Variants in NCOA7 observed in about 807,000 individuals in gnomAD.
The protein encoded by NCOA7 is nuclear receptor coactivator 7.
A neutral mutation model predicts 104.3 loss-of-function variants in NCOA7; 45 were observed. The observed-to-expected ratio is 0.43, with a 90% CI of 0.34 to 0.55. The LOEUF is 0.55. NCOA7 is among the 20% of genes least tolerant of loss of function. The probability of loss-of-function intolerance (pLI) is 0.02; values close to 1 mark genes in which losing one functional copy is unlikely to be tolerated. For missense variants in NCOA7, 1,041 were observed against 1,119.7 expected (o/e 0.93, Z 1.00); for synonymous variants, 398 against 402.3 (o/e 0.99, Z 0.13).
chr6:125,798,289 T>C (rs1029956292), intron 1 of NCOA7: 3 of 152,254 alleles, frequency 2.0e-5, no homozygotes, highest in Admixed American at 6.5e-5. Context: ...CTTGGAATCC[T>C]GTTCCACCAG....
rs1286745030 is a variant in NCOA7 at position 125,890,624 on chromosome 6, T to C, written c.1928-18T>C. 5.0e-6 allele frequency: 8 copies of C among 1,595,936 alleles called. No homozygotes were observed. The highest frequency in any genetic ancestry group is 1.8e-5 in the Admixed American group (1 of 55,690). On this transcript the variant is annotated intron_variant, in intron 9 of 15. Coordinates refer to ENST00000392477, the MANE Select transcript of NCOA7 (RefSeq NM_181782.5). ...ATATTGTCAATATTGAGGAACAGTT[T>C]TTTCGTGTGTGATTCAGATATACTT...
intron 7 of NCOA7, among the ~76,000 whole-genome samples, chr6:125,884,645 G>A (rs1784117278): frequency 6.6e-6 from 1 of 152,110 alleles, no homozygotes; most frequent in Non-Finnish European, 1.5e-5. Flanking sequence ...ACTTTTGTTG[G>A]ATATGGGCTT....
chr6:125,834,512 T>A (rs1779451167), intron 2 of NCOA7, among the ~76,000 whole-genome samples: 1 of 152,204 alleles, frequency 6.6e-6, no homozygotes, highest in Non-Finnish European at 1.5e-5. Flanking sequence ...AGGTTGTTAT[T>A]TAACCAGGGT....
rs75554896 is a variant in NCOA7 at position 125,867,511 on chromosome 6, G to A, written c.272-7378G>A. On this transcript the variant is annotated intron_variant, in intron 3 of 15. Coordinates refer to ENST00000392477, the MANE Select transcript of NCOA7 (RefSeq NM_181782.5). ...TTCTCAAGAGACGTTGAGCATGTGG[G>A]TACCTGTAGTGCATTCAAGCACAGA... Among the ~76,000 whole-genome samples the A allele has an allele frequency of 3.9e-5, 6 of 152,324 alleles. No homozygotes were observed. The East Asian group carries it at 9.6e-4, about 24-fold the overall frequency.
chr6:125,879,918 C>T (rs976797933), intron 5 of NCOA7, among the ~76,000 whole-genome samples: 1 of 152,096 alleles, frequency 6.6e-6, no homozygotes, highest in African/African-American at 2.4e-5. Flanking sequence ...GCAGGAGAAT[C>T]TCTTGAATGT....
chr6:125,891,536 A>C (rs1450113969), intron 10 of NCOA7, among the ~76,000 whole-genome samples: 2 of 152,194 alleles, frequency 1.3e-5, no homozygotes, highest in Admixed American at 6.5e-5. Flanking sequence ...AGTTTTCAAC[A>C]CTGTTAAAAC....
intron 2 of NCOA7, among the ~76,000 whole-genome samples, chr6:125,829,720 G>A (rs146152686): frequency 6.6e-6 from 1 of 152,088 alleles, no homozygotes; most frequent in African/African-American, 2.4e-5. Context: ...TAGCTGTATA[G>A]TCATATCATA....
At chr6:125,876,437 T>C (rs1225102124) in intron 4 of NCOA7, among the ~76,000 whole-genome samples, 1 of 152,164 alleles carries the variant, frequency 6.6e-6, no homozygotes, top group Non-Finnish European at 1.5e-5. Context: ...TCAAGAAGTA[T>C]TGGACTCAAT....
chr6:125,859,059 CAA>C (rs2128624224), intron 3 of NCOA7, among the ~76,000 whole-genome samples: 1 of 152,212 alleles, frequency 6.6e-6, no homozygotes, highest in East Asian at 1.9e-4. Context: ...AGGAGAATGT[CAA>C]GGGAAAAGGA....
At position 125,830,721 on chromosome 6, in the gene NCOA7, TTATA is replaced by T. The variant is rs72316010; in HGVS notation, c.50+15331_50+15334del. On this transcript the variant is annotated intron_variant, in intron 2 of 15. Coordinates refer to ENST00000392477, the MANE Select transcript of NCOA7 (RefSeq NM_181782.5). ...GGCCCTGTGTCTCTCTCTATATATT[TTATA>T]TATATATATATATGTGTGTGTGTGT... Among the ~76,000 whole-genome samples, 29 of 143,080 alleles carry T rather than the reference TTATA, an allele frequency of 2.0e-4. 1 individual carries two copies. Among genetic ancestry groups the T allele is most frequent in the South Asian group, 7.0e-4 (3 of 4,294 alleles). The allele number at this position is 143,080 out of a possible 152,430, so 93.9% of individuals were successfully genotyped here. A position where few individuals can be genotyped will look rare whatever the true frequency, so the allele number is the denominator to read the frequency against.
At chr6:125,793,291 T>A (rs905563337) in intron 1 of NCOA7, among the ~76,000 whole-genome samples, 1 of 152,226 alleles carries the variant, frequency 6.6e-6, no homozygotes, top group African/African-American at 2.4e-5. Context: ...TTGCACACTT[T>A]AAGCTTTTCA....
chr6:125,831,448 CA>C (rs1779175563), intron 2 of NCOA7, among the ~76,000 whole-genome samples: 1 of 151,120 alleles, frequency 6.6e-6, no homozygotes, highest in South Asian at 2.1e-4. Flanking sequence ...GTGTCATTTC[CA>C]AATTTTTTAT....
In NCOA7 at chr6:125,795,650, C is replaced by T. The variant is rs1387393511; in HGVS notation, c.-65+4583C>T. Among the ~76,000 whole-genome samples the T allele has an allele frequency of 3.3e-5, 5 of 152,154 alleles. No homozygotes were observed. The East Asian group carries it at 9.6e-4, about 29-fold the overall frequency. ...CCTTGCTCTGCATTTCAAGCTGTCC[C>T]CATTTCAGCAGGCTGTCCTTCTAAA... On this transcript the variant is annotated intron_variant, in intron 1 of 15. Transcript: ENST00000392477.
At chr6:125,798,328 T>C (rs1420428046) in intron 1 of NCOA7, among the ~76,000 whole-genome samples, 1 of 152,258 alleles carries the variant, frequency 6.6e-6, no homozygotes, top group Non-Finnish European at 1.5e-5. Context: ...TAGGAAGTTA[T>C]TTTCTCCACA....
chr6:125,922,659 C>T (rs1457254259), intron 12 of NCOA7, 23 bp from the exon 13 acceptor site: 1 of 1,606,554 alleles, frequency 6.2e-7, no homozygotes, highest in African/African-American at 1.3e-5. Context: ...CTTCTGTTTA[C>T]ATCTCTTCCT....
chr6:125,864,440 C>T (rs1463245050), intron 3 of NCOA7, among the ~76,000 whole-genome samples: 1 of 136,180 alleles, frequency 7.3e-6, no homozygotes, highest in African/African-American at 3.1e-5. Flanking sequence ...AAATGGATGA[C>T]CTTTATTTTT....
At chr6:125,793,028 A>G (rs1774997676) in intron 1 of NCOA7, among the ~76,000 whole-genome samples, 1 of 152,214 alleles carries the variant, frequency 6.6e-6, no homozygotes, top group Non-Finnish European at 1.5e-5. Flanking sequence ...ACAATATGGT[A>G]GGCCATACTT....
At chr6:125,821,314 T>C (rs1278610965) in intron 2 of NCOA7, among the ~76,000 whole-genome samples, 1 of 152,200 alleles carries the variant, frequency 6.6e-6, no homozygotes, top group Non-Finnish European at 1.5e-5. Flanking sequence ...TAATTTATAC[T>C]CAAAGGGGTT....
At chr6:125,835,209 T>A (rs536719908) in intron 2 of NCOA7, among the ~76,000 whole-genome samples, 137 of 152,336 alleles carry the variant, frequency 9.0e-4, no homozygotes, top group African/African-American at 3.0e-3. Flanking sequence ...ATCCATGTTA[T>A]TTTCATGTGA....
Sources: gnomAD v4.1 joint callset for allele counts (sites outside exome capture counted in the v4.1 genomes callset) on GRCh38, gnomAD v4.1.1 for gene constraint, MANE v1.5 for transcripts, NCBI Gene and HGNC (gene_info 2026-07-23, HGNC 2026-07-21) for gene names.